The following XXYLT1 variants were observed in gnomAD, a reference collection of about 807,000 sequenced individuals.
The protein encoded by XXYLT1 is xyloside xylosyltransferase 1, also known as UDP-xylose:alpha-xyloside alpha-1,3-xylosyltransferase.
XXYLT1 carries 20 observed loss-of-function variants against 28.9 expected under a neutral mutation model. The ratio of observed to expected loss-of-function variants is 0.69; its 90% confidence interval spans 0.49 to 1.00. The LOEUF is 1.00. Among genes scored for constraint, XXYLT1 ranks in the 50% least tolerant of loss-of-function variants. The probability of loss-of-function intolerance (pLI) is 0.00; values close to 1 mark genes in which losing one functional copy is unlikely to be tolerated. For missense variants in XXYLT1, 542 were observed against 560.1 expected (o/e 0.97, Z 0.33); for synonymous variants, 257 against 253.8 (o/e 1.01, Z -0.12).
intron 2 of XXYLT1, among the ~76,000 whole-genome samples, chr3:195,213,652 C>T (rs981729608): frequency 9.2e-5 from 14 of 152,234 alleles, no homozygotes; most frequent in Non-Finnish European, 1.2e-4. Flanking sequence ...TGTGGTCAAT[C>T]GTGTGTAAGC....
chr3:195,188,785 C>T (rs1366710327), intron 2 of XXYLT1, among the ~76,000 whole-genome samples: 2 of 152,224 alleles, frequency 1.3e-5, no homozygotes, highest in Non-Finnish European at 2.9e-5. Flanking sequence ...CCAATTTCCA[C>T]ACCACTGCTC....
Position 195,257,860 on chromosome 3 carries a change from C to A in XXYLT1, c.504+12695G>T, listed in dbSNP as rs369236682. 4.6e-5 allele frequency among the ~76,000 whole-genome samples: 7 copies of A among 152,070 alleles called. No individual in the cohort carries two copies. The East Asian group carries it at 1.4e-3, about 29-fold the overall frequency. On this transcript the variant is annotated intron_variant, in intron 1 of 3. Transcript: ENST00000310380. This position sits in a 1 kb window ranked among gnomAD's most constrained non-coding sequence, Gnocchi z 4.3. ...TCTAAGGTGGGCAGGTCACATGCTA[C>A]CCACGTATCATGGGTGTATATCCTC...
At chr3:195,138,054 G>T (rs1453903105) in intron 3 of XXYLT1, among the ~76,000 whole-genome samples, 1 of 152,132 alleles carries the variant, frequency 6.6e-6, no homozygotes, top group East Asian at 1.9e-4. Flanking sequence ...AGTATGTTTC[G>T]CAAAGTCATT....
rs1327644099 is a variant in XXYLT1, at chr3:195,173,145, T to G, written c.653-16564A>C. 6.6e-6 allele frequency among the ~76,000 whole-genome samples: 1 copy of G among 152,202 alleles called. No homozygotes were observed. Among genetic ancestry groups the G allele is most frequent in the Non-Finnish European group, 1.5e-5 (1 of 68,028 alleles). ...AAGTCCATCAGGAGCTCTGGCTCTC[T>G]AGACGGTGCTCCCAACAGTGGAGAT... On this transcript the variant is annotated intron_variant, in intron 2 of 3. Transcript: ENST00000310380. This position sits in a 1 kb window ranked among gnomAD's most constrained non-coding sequence, Gnocchi z 4.3.
At chr3:195,137,440 A>G (rs774043142) in intron 3 of XXYLT1, among the ~76,000 whole-genome samples, 23 of 152,308 alleles carry the variant, frequency 1.5e-4, no homozygotes, top group Admixed American at 4.6e-4. Context: ...GCACAAAGCC[A>G]TGTTTTCCCA....
In XXYLT1 at chr3:195,069,892, G is replaced by A. The variant is rs116042759; in HGVS notation, c.1005C>T (p.Thr335=). 1.3e-3 allele frequency: 2,024 copies of A among 1,614,132 alleles called. 25 individuals carry two copies. In the African/African-American group the frequency reaches 0.023, roughly 18 times the overall value. ...RGHLGDQDFF[T]MIGMEHPKLF... ...GCTTGGGGTGCTCCATGCCGATCAT[G>A]GTGAAGAAGTCCTGGTCCCCGAGGT... Residue 335 remains threonine (T), a synonymous_variant, in exon 4 of 4, where the codon ACC becomes ACT. Transcript: ENST00000310380.
intron 3 of XXYLT1, 22 bp from the exon 4 acceptor site, chr3:195,070,133 T>A: frequency 6.6e-7 from 1 of 1,525,812 alleles, no homozygotes; most frequent in South Asian, 1.3e-5. Flanking sequence ...GAGGACAGAG[T>A]TAGTCCGGTG....
intron 3 of XXYLT1, among the ~76,000 whole-genome samples, chr3:195,107,197 G>C (rs1021208330): frequency 3.9e-5 from 6 of 152,176 alleles, no homozygotes; most frequent in Admixed American, 6.5e-5. Context: ...GAGGTGGCCG[G>C]GTGCGGTGGC....
chr3:195,269,803 C>T (rs1242712587), intron 1 of XXYLT1, among the ~76,000 whole-genome samples: 1 of 152,196 alleles, frequency 6.6e-6, no homozygotes, highest in East Asian at 1.9e-4. Flanking sequence ...CTAGGCAATT[C>T]ACACTATGTC....
chr3:195,170,791 C>A, intron 2 of XXYLT1, among the ~76,000 whole-genome samples: 1 of 152,174 alleles, frequency 6.6e-6, no homozygotes, highest in South Asian at 2.1e-4. Flanking sequence ...ACCTGTAAAC[C>A]TAGCACTTCG....
intron 2 of XXYLT1, chr3:195,207,304 C>G (rs1723115368): frequency 2.8e-6 from 1 of 359,886 alleles, no homozygotes; most frequent in African/African-American, 2.1e-5. Context: ...TCAGCTACAT[C>G]AGAGATGCCA....
At chr3:195,260,928 G>A (rs1725678391) in intron 1 of XXYLT1, among the ~76,000 whole-genome samples, 1 of 152,208 alleles carries the variant, frequency 6.6e-6, no homozygotes, top group South Asian at 2.1e-4. Flanking sequence ...GGTGTCATCG[G>A]CAGGCGGATG....
intron 3 of XXYLT1, among the ~76,000 whole-genome samples, chr3:195,083,003 C>T (rs1333592626): frequency 6.6e-6 from 1 of 152,224 alleles, no homozygotes; most frequent in African/African-American, 2.4e-5. Flanking sequence ...CATGTCTGCA[C>T]ATTTCTGCTG....
chr3:195,217,297 T>C (rs1723619891), intron 2 of XXYLT1, among the ~76,000 whole-genome samples: 1 of 19,986 alleles, frequency 5.0e-5, no homozygotes, highest in East Asian at 1.3e-3. Flanking sequence ...AACATAGTGT[T>C]GGAAGTTCTG....
Position 195,150,850 on chromosome 3 carries a change from A to C in XXYLT1, c.785+5599T>G, listed in dbSNP as rs1301571664. 2.7e-4 allele frequency among the ~76,000 whole-genome samples: 23 copies of C among 86,406 alleles called. 1 individual carries two copies. The highest frequency in any genetic ancestry group is 1.1e-3 in the African/African-American group (19 of 17,672). The allele number at this position is 86,406 out of a possible 152,430, so 56.7% of individuals were successfully genotyped here. A position where few individuals can be genotyped will look rare whatever the true frequency, so the allele number is the denominator to read the frequency against. ...CACACATACGCACACTCTCTCACAC[A>C]CTCTCACACACACACACACTCTCTC... is the stretch of plus-strand genomic sequence containing the variant. On this transcript the variant is annotated intron_variant, in intron 3 of 3. Transcript: ENST00000310380. This position sits in a 1 kb window ranked among gnomAD's most constrained non-coding sequence, Gnocchi z 4.7.
intron 3 of XXYLT1, among the ~76,000 whole-genome samples, chr3:195,101,663 G>A (rs937808704): frequency 7.2e-5 from 11 of 151,766 alleles, no homozygotes; most frequent in African/African-American, 2.7e-4. Context: ...TTGGGATATA[G>A]CAAAAAATAC....
In XXYLT1 at chr3:195,271,022, C is replaced by T. The variant is rs1726010762; in HGVS notation, c.37G>A (p.Ala13Thr). 2.0e-6 allele frequency: 3 copies of T among 1,465,742 alleles called. No homozygotes were observed. In the East Asian group the frequency reaches 9.1e-5, roughly 44 times the overall value. 90.8% of individuals were successfully genotyped at this position (1,465,742 alleles called of 1,614,324 possible). ...CGCACAGCGCCCAGGCGCGCCATGG[C>T]CCGAGCGCATGGGAGCCCGCCTCGG... The part of the protein sequence containing the change: ...LLRGGLPCAR[A>T]MARLGAVRSH... Residue 13 changes from alanine (A) to threonine (T), a missense_variant, in exon 1 of 4, where the codon GCC becomes ACC. By Grantham distance (58) the Ala-to-Thr change is moderately conservative (BLOSUM62 0). Coordinates refer to ENST00000310380, the MANE Select transcript of XXYLT1 (RefSeq NM_152531.5).
At chr3:195,121,253 G>A (rs564306228) in intron 3 of XXYLT1, among the ~76,000 whole-genome samples, 4 of 152,308 alleles carry the variant, frequency 2.6e-5, no homozygotes, top group Non-Finnish European at 4.4e-5. Flanking sequence ...TACACCTACC[G>A]AGGCCTTCCA....
chr3:195,130,233 CCAACAGGTAGGAG>C (rs1156533140), intron 3 of XXYLT1, among the ~76,000 whole-genome samples: 4 of 152,222 alleles, frequency 2.6e-5, no homozygotes, highest in Non-Finnish European at 5.9e-5. Context: ...AGCATGCCCA[CCAACAGGTAGGAG>C]CTGCCCATTA....
Sources: allele counts gnomAD v4.1 joint callset (sites outside exome capture counted in the v4.1 genomes callset), GRCh38; gene constraint gnomAD v4.1.1; non-coding constraint Gnocchi (gnomAD v3.1); transcripts MANE v1.5; gene names NCBI Gene and HGNC (gene_info 2026-07-23, HGNC 2026-07-21).